DCC: variants seen among roughly 807,000 people sequenced by gnomAD.
DCC encodes the protein netrin receptor DCC.
A neutral mutation model predicts 172.5 loss-of-function variants in DCC; 58 were observed. That is an observed-to-expected ratio of 0.34 (90% CI 0.27 to 0.42). The LOEUF (loss-of-function observed/expected upper bound fraction) is 0.42. Among genes scored for constraint, DCC ranks in the 10% least tolerant of loss-of-function variants. The pLI is 1.00. For missense variants in DCC, 1,740 were observed against 1,791.0 expected, an observed-to-expected ratio of 0.97 and a Z score of 0.51; for synonymous variants, 709 against 644.5, an observed-to-expected ratio of 1.10 and a Z score of -1.52.
intron 26 of DCC, among the ~76,000 whole-genome samples, chr18:53,499,019 G>A (rs1200411788): frequency 6.6e-6 from 1 of 152,170 alleles, no homozygotes; most frequent in Non-Finnish European, 1.5e-5. Flanking sequence ...AGAGGGCCCA[G>A]ACAGTTCAAG....
intron 1 of DCC, among the ~76,000 whole-genome samples, chr18:52,431,263 C>G (rs1382304851): frequency 1.3e-5 from 2 of 151,858 alleles, no homozygotes; most frequent in African/African-American, 2.4e-5. Flanking sequence ...AATCACTGCT[C>G]TAGTCCCGGA....
At chr18:52,637,830 C>A (rs956948946) in intron 1 of DCC, among the ~76,000 whole-genome samples, 2 of 152,116 alleles carry the variant, frequency 1.3e-5, no homozygotes, top group African/African-American at 4.8e-5. Flanking sequence ...CCGAGAAATT[C>A]ATAGCAAAAA....
intron 24 of DCC, among the ~76,000 whole-genome samples, chr18:53,464,168 T>C (rs769215630): frequency 1.3e-4 from 20 of 152,220 alleles, no homozygotes; most frequent in Non-Finnish European, 2.6e-4. Context: ...GTCTATTTGA[T>C]CTCTAGGACT....
intron 2 of DCC, among the ~76,000 whole-genome samples, chr18:52,762,714 C>T (rs188421724): frequency 4.6e-5 from 7 of 152,018 alleles, no homozygotes; most frequent in Admixed American, 1.3e-4. Context: ...GTCCTAGCTA[C>T]TTAGGAGGCT....
At chr18:53,019,362 G>C (rs2041848634) in intron 5 of DCC, among the ~76,000 whole-genome samples, 1 of 152,064 alleles carries the variant, frequency 6.6e-6, no homozygotes, top group East Asian at 1.9e-4. Flanking sequence ...CTTGTGAAAA[G>C]TTTTCAGATA....
At chr18:53,435,073 A>G in intron 21 of DCC, 71 bp from the exon 22 acceptor site, 1 of 1,177,152 alleles carries the variant, frequency 8.5e-7, no homozygotes, top group Non-Finnish European at 1.3e-6. Flanking sequence ...TGTGTGTTAA[A>G]ATATTTATTC....
chr18:53,528,924 T>C (rs908990980), intron 28 of DCC, among the ~76,000 whole-genome samples: 1 of 151,974 alleles, frequency 6.6e-6, no homozygotes, highest in African/African-American at 2.4e-5. Context: ...CAATGAAATC[T>C]AGACAGTTTG....
intron 1 of DCC, among the ~76,000 whole-genome samples, chr18:52,648,733 A>T (rs1050757162): frequency 6.6e-6 from 1 of 152,210 alleles, no homozygotes; most frequent in Admixed American, 6.5e-5. Context: ...AAGAAAAAAT[A>T]AACTTGAAAA....
chr18:52,462,442 A>G lies in DCC; in HGVS notation c.91+121564A>G, dbSNP rs534756363. On this transcript the variant is annotated intron_variant, in intron 1 of 28. Transcript: ENST00000442544. ...CATCCTATTTCATTCTGCTCCTGAC[A>G]CACTGCCTCGTGTCAGCCTCAGGCC... is the stretch of plus-strand genomic sequence containing the variant. Among the ~76,000 whole-genome samples the G allele has an allele frequency of 1.2e-3, 188 of 152,138 alleles. 5 individuals are homozygous for G. In the South Asian group the frequency reaches 0.037, roughly 30 times the overall value.
intron 5 of DCC, among the ~76,000 whole-genome samples, chr18:53,034,416 A>G (rs2042065254): frequency 6.6e-6 from 1 of 152,092 alleles, no homozygotes; most frequent in Non-Finnish European, 1.5e-5. Flanking sequence ...AGAAAATAAT[A>G]CAAAGTCACT....
At chr18:53,446,985 T>G (rs1372604859) in intron 22 of DCC, among the ~76,000 whole-genome samples, 1 of 152,224 alleles carries the variant, frequency 6.6e-6, no homozygotes, top group Admixed American at 6.5e-5. Flanking sequence ...TGAAAAGCTT[T>G]GCTCAGGCAT....
intron 5 of DCC, among the ~76,000 whole-genome samples, chr18:53,058,334 TAA>T (rs1256462088): frequency 6.6e-6 from 1 of 152,160 alleles, no homozygotes; most frequent in Non-Finnish European, 1.5e-5. Context: ...TTATTAAATA[TAA>T]AGTTACAAGC....
chr18:52,455,989 A>T (rs1263524971), intron 1 of DCC, among the ~76,000 whole-genome samples: 6 of 152,236 alleles, frequency 3.9e-5, no homozygotes. Context: ...CAAACAAACA[A>T]AAAAAGGTTA....
intron 10 of DCC, among the ~76,000 whole-genome samples, chr18:53,206,491 A>T (rs150344111): frequency 7.2e-6 from 1 of 139,776 alleles, no homozygotes; most frequent in East Asian, 2.1e-4. Context: ...TATATAATGT[A>T]TATGTATTAC....
At chr18:52,613,561 G>A (rs1358705126) in intron 1 of DCC, among the ~76,000 whole-genome samples, 1 of 152,092 alleles carries the variant, frequency 6.6e-6, no homozygotes, top group Non-Finnish European at 1.5e-5. Flanking sequence ...ATCCTGTCTT[G>A]TTTTATTTTA....
intron 13 of DCC, among the ~76,000 whole-genome samples, chr18:53,311,701 T>C (rs1259283494): frequency 2.6e-5 from 4 of 152,242 alleles, no homozygotes; most frequent in African/African-American, 9.6e-5. Context: ...TCATTCACTA[T>C]GCTAAAAGCT....
intron 2 of DCC, among the ~76,000 whole-genome samples, chr18:52,805,880 T>G (rs571057367): frequency 6.6e-6 from 1 of 152,204 alleles, no homozygotes; most frequent in Non-Finnish European, 1.5e-5. Context: ...ATTTTGTGTT[T>G]AGTTGAAATA....
intron 15 of DCC, among the ~76,000 whole-genome samples, chr18:53,370,507 A>C (rs2144955810): frequency 6.6e-6 from 1 of 151,746 alleles, no homozygotes; most frequent in South Asian, 2.1e-4. Context: ...TTTTTAATTT[A>C]AGCATTTACA....
chr18:53,324,619 A>G (rs2057447469), intron 14 of DCC, among the ~76,000 whole-genome samples: 1 of 152,122 alleles, frequency 6.6e-6, no homozygotes, highest in African/African-American at 2.4e-5. Flanking sequence ...AGTAGAAGAA[A>G]AATCAAGAAC....
Sources: allele counts gnomAD v4.1 joint callset (sites outside exome capture counted in the v4.1 genomes callset), GRCh38; gene constraint gnomAD v4.1.1; transcripts MANE v1.5; gene names NCBI Gene and HGNC (gene_info 2026-07-23, HGNC 2026-07-21).